The following NMNAT3 variants were observed in gnomAD, a reference collection of about 807,000 sequenced individuals.
NMNAT3 encodes nicotinamide nucleotide adenylyltransferase 3, also known as nicotinamide/nicotinic acid mononucleotide adenylyltransferase 3.
A neutral mutation model predicts 24.8 loss-of-function variants in NMNAT3; 21 were observed. That is an observed-to-expected ratio of 0.85 (90% CI 0.60 to 1.22). The LOEUF is 1.22. Ranked by LOEUF, NMNAT3 falls within the 50% of genes most tolerant of loss-of-function variation. The pLI is 0.00. For missense variants in NMNAT3, 387 were observed against 436.6 expected (o/e 0.89, Z 1.01); for synonymous variants, 136 against 155.2 (o/e 0.88, Z 0.92).
At chr3:139,640,554 T>C (rs2056664242) in intron 1 of NMNAT3, among the ~76,000 whole-genome samples, 1 of 152,126 alleles carries the variant, frequency 6.6e-6, no homozygotes. Flanking sequence ...TTCCTCAAGG[T>C]AATAGGATGA....
chr3:139,600,445 A>G (rs1038403490), intron 3 of NMNAT3, among the ~76,000 whole-genome samples: 1 of 151,836 alleles, frequency 6.6e-6, no homozygotes, highest in Non-Finnish European at 1.5e-5. Flanking sequence ...AGCTGGGATT[A>G]CAGGCACCCA....
At chr3:139,592,520 G>C (rs535810290) in intron 3 of NMNAT3, among the ~76,000 whole-genome samples, 1 of 152,306 alleles carries the variant, frequency 6.6e-6, no homozygotes, top group African/African-American at 2.4e-5. Flanking sequence ...ATAATTGTCA[G>C]ATTCACCAAA....
chr3:139,602,836 A>G (rs2054777267), intron 3 of NMNAT3, among the ~76,000 whole-genome samples: 1 of 152,232 alleles, frequency 6.6e-6, no homozygotes, highest in Admixed American at 6.5e-5. Flanking sequence ...TTTGTTTCTA[A>G]TAATACTCTT....
chr3:139,600,323 G>A (rs1308134943), intron 3 of NMNAT3, among the ~76,000 whole-genome samples: 3 of 95,060 alleles, frequency 3.2e-5, no homozygotes, highest in Non-Finnish European at 6.5e-5. Context: ...TTTTTTTTTT[G>A]AGACGGAGTT....
intron 1 of NMNAT3, among the ~76,000 whole-genome samples, chr3:139,659,570 T>A (rs1248032568): frequency 6.6e-6 from 1 of 152,280 alleles, no homozygotes; most frequent in East Asian, 1.9e-4. Flanking sequence ...GAAAAACTGA[T>A]TTAAAGAAAA....
intron 1 of NMNAT3, among the ~76,000 whole-genome samples, chr3:139,671,586 T>C (rs2108457591): frequency 6.6e-6 from 1 of 151,424 alleles, no homozygotes; most frequent in Non-Finnish European, 1.5e-5. Flanking sequence ...ACAACATGAG[T>C]AACAGACAGT....
intron 1 of NMNAT3, among the ~76,000 whole-genome samples, chr3:139,656,326 TC>T (rs1359846617): frequency 6.6e-5 from 10 of 152,016 alleles, no homozygotes; most frequent in Admixed American, 5.9e-4. Flanking sequence ...GTTTTGAAGG[TC>T]CTATTGGTGG....
At chr3:139,676,998 T>C (rs2057950519) in intron 1 of NMNAT3, among the ~76,000 whole-genome samples, 1 of 152,152 alleles carries the variant, frequency 6.6e-6, no homozygotes, top group Admixed American at 6.5e-5. Flanking sequence ...GAGGAGAACG[T>C]TAAGGTTAAG....
At position 139,621,394 on chromosome 3, in the gene NMNAT3, C is replaced by T. The variant is rs112237798; in HGVS notation, c.109+6222G>A. Among the ~76,000 whole-genome samples, 1,449 of 152,160 alleles carry T rather than the reference C, an allele frequency of 9.5e-3. 23 individuals are homozygous for T. The highest frequency in any genetic ancestry group is 0.034 in the African/African-American group (1,401 of 41,524). On this transcript the variant is annotated intron_variant, in intron 3 of 6. Coordinates refer to ENST00000643695, the MANE Select transcript of NMNAT3 (RefSeq NM_001320510.2). ...TATTATTTTGTTTTATTTTGTTTGT[C>T]GAGACAGGGCTTTGCTCTGTTGCCT...
At chr3:139,677,045 C>A (rs746799537) in intron 1 of NMNAT3, among the ~76,000 whole-genome samples, 4 of 152,190 alleles carry the variant, frequency 2.6e-5, no homozygotes, top group Non-Finnish European at 5.9e-5. Context: ...CAGGCCAGCC[C>A]CACCAACCCT....
chr3:139,573,751 A>T, intron 5 of NMNAT3, 71 bp from the exon 6 acceptor site: 1 of 819,412 alleles, frequency 1.2e-6, no homozygotes, highest in Non-Finnish European at 1.9e-6. Context: ...GGATTTTCAG[A>T]TTTTGTCTCA....
intron 3 of NMNAT3, among the ~76,000 whole-genome samples, chr3:139,619,857 G>T (rs2055679711): frequency 6.6e-6 from 1 of 152,156 alleles, no homozygotes; most frequent in Admixed American, 6.5e-5. Context: ...CCCCCTGCTA[G>T]ACTAAGGGTA....
chr3:139,569,160 G>A (rs1275624434), intron 6 of NMNAT3: 2 of 99,246 alleles, frequency 2.0e-5, no homozygotes, highest in African/African-American at 6.3e-5. Flanking sequence ...GACTAGGATT[G>A]CAACCCCTGC....
Position 139,675,135 on chromosome 3 carries a change from T to TACACACACACACACAAACAC in NMNAT3, c.-141+2569_-141+2570insGTGTTTGTGTGTGTGTGTGT, listed in dbSNP as rs1553766849. On this transcript the variant is annotated intron_variant, in intron 1 of 6. Coordinates refer to ENST00000643695, the MANE Select transcript of NMNAT3 (RefSeq NM_001320510.2). ...CTTACCTTCGTATTCCTTTTAAACA[T>TACACACACACACACAAACAC]ACACACACACACACACACACACACA... Among the ~76,000 whole-genome samples, 471 of 148,342 alleles carry TACACACACACACACAAACAC rather than the reference T, an allele frequency of 3.2e-3. 4 individuals are homozygous for TACACACACACACACAAACAC. The highest frequency in any genetic ancestry group is 5.0e-3 in the Non-Finnish European group (333 of 67,232).
At chr3:139,575,097 C>A (rs1183480004) in intron 5 of NMNAT3, among the ~76,000 whole-genome samples, 2 of 152,162 alleles carry the variant, frequency 1.3e-5, no homozygotes, top group African/African-American at 4.8e-5. Flanking sequence ...ATCTTCCCAC[C>A]AGATTGTGAA....
At chr3:139,662,090 A>T (rs1421234785) in intron 1 of NMNAT3, among the ~76,000 whole-genome samples, 4 of 152,136 alleles carry the variant, frequency 2.6e-5, no homozygotes, top group Non-Finnish European at 5.9e-5. Context: ...CCAGGATGGG[A>T]GGGAGCACTT....
intron 5 of NMNAT3, chr3:139,577,700 C>T (rs576026544): frequency 2.6e-5 from 4 of 152,026 alleles, no homozygotes; most frequent in Non-Finnish European, 5.9e-5. Context: ...ATATAAGGGT[C>T]TTTGTTTATA....
chr3:139,576,627 G>A (rs571651610), intron 5 of NMNAT3, among the ~76,000 whole-genome samples: 3 of 152,166 alleles, frequency 2.0e-5, no homozygotes, highest in Non-Finnish European at 2.9e-5. Flanking sequence ...CCATATATTA[G>A]AATCACCAGG....
chr3:139,571,838 A>G (rs562782672), intron 6 of NMNAT3, among the ~76,000 whole-genome samples: 77 of 152,312 alleles, frequency 5.1e-4, no homozygotes, highest in African/African-American at 1.8e-3. Flanking sequence ...CTGGAAGCAT[A>G]TGCAGAGAGG....
Sources: gnomAD v4.1 joint callset for allele counts (sites outside exome capture counted in the v4.1 genomes callset) on GRCh38, gnomAD v4.1.1 for gene constraint, MANE v1.5 for transcripts, NCBI Gene and HGNC (gene_info 2026-07-23, HGNC 2026-07-21) for gene names.